ITPR1: variants seen among roughly 807,000 people sequenced by gnomAD.
ITPR1 encodes the protein inositol 1,4,5-trisphosphate-gated calcium channel ITPR1.
Under a neutral mutation model 318.4 loss-of-function variants are expected in ITPR1, and 96 were observed. The ratio of observed to expected loss-of-function variants is 0.30; its 90% CI spans 0.26 to 0.36. The LOEUF (loss-of-function observed/expected upper bound fraction) is 0.36, where lower values mean the gene tolerates loss of function less well. ITPR1 is among the 10% of genes least tolerant of loss of function. The probability of loss-of-function intolerance (pLI) is 1.00; values close to 1 mark genes in which losing one functional copy is unlikely to be tolerated. For synonymous variants in ITPR1, 1,312 were observed against 1,289.9 expected (o/e 1.02, Z -0.37); for missense variants, 2,440 against 3,460.2 (o/e 0.71, Z 7.40).
At chr3:4,755,557 A>C (rs367775399) in intron 44 of ITPR1, among the ~76,000 whole-genome samples, 30 of 152,312 alleles carry the variant, frequency 2.0e-4, no homozygotes, top group African/African-American at 6.7e-4. Context: ...TGTTTTTAAT[A>C]GAACAGGTTG....
At chr3:4,719,368 C>T (rs192097149) in intron 40 of ITPR1, among the ~76,000 whole-genome samples, 1 of 152,310 alleles carries the variant, frequency 6.6e-6, no homozygotes, top group East Asian at 1.9e-4. Context: ...GCCTCCTTGG[C>T]CTTTATAATT....
chr3:4,655,349 C>T (rs1212928285), intron 12 of ITPR1, among the ~76,000 whole-genome samples: 1 of 152,098 alleles, frequency 6.6e-6, no homozygotes, highest in African/African-American at 2.4e-5. Flanking sequence ...GGGTAGAGGG[C>T]TGCTCTCCTG....
intron 36 of ITPR1, among the ~76,000 whole-genome samples, chr3:4,703,428 C>A (rs1208919215): frequency 6.6e-6 from 1 of 152,102 alleles, no homozygotes; most frequent in Admixed American, 6.5e-5. Flanking sequence ...TCTGTGACTC[C>A]CCTCCTGTCC....
intron 4 of ITPR1, among the ~76,000 whole-genome samples, chr3:4,532,857 C>G (rs2124955194): frequency 6.6e-6 from 1 of 152,332 alleles, no homozygotes; most frequent in African/African-American, 2.4e-5. Flanking sequence ...GAACTTAATT[C>G]TGACTATTAG....
At chr3:4,628,028 C>T (rs182590802) in intron 5 of ITPR1, 150 bp downstream of exon 5, 144 of 527,204 alleles carry the variant, frequency 2.7e-4, no homozygotes, top group African/African-American at 2.5e-3. Flanking sequence ...AGAAGGGAAC[C>T]GACCGTAGAG....
In ITPR1 at chr3:4,706,048, G is replaced by A. The variant is rs1235422224; in HGVS notation, c.4658-119G>A. 7.3e-6 allele frequency: 7 copies of A among 963,484 alleles called. No homozygotes were observed. The Admixed American group carries it at 1.4e-4, about 19-fold the overall frequency. 59.7% of individuals were successfully genotyped at this position (963,484 alleles called of 1,614,324 possible). A position where few individuals can be genotyped will look rare whatever the true frequency, so the allele number is the denominator to read the frequency against. The stretch of plus-strand genomic sequence containing the variant: ...TCTCAGTCTTTAAGCTCAATACCAG[G>A]CAAGCTGGCCCATTCTGGGTGTGAA... On this transcript the variant is annotated intron_variant, in intron 36 of 61. Transcript: ENST00000649015.
intron 3 of ITPR1, among the ~76,000 whole-genome samples, chr3:4,519,609 T>C (rs2082411212): frequency 1.3e-5 from 2 of 152,196 alleles, no homozygotes; most frequent in African/African-American, 4.8e-5. Context: ...GGGGCATTAC[T>C]ATACTTACAG....
intron 4 of ITPR1, among the ~76,000 whole-genome samples, chr3:4,530,773 T>TCAACAACAA (rs113306224): frequency 6.6e-6 from 1 of 151,018 alleles, no homozygotes; most frequent in Non-Finnish European, 1.5e-5. Context: ...AGAGCAAGAC[T>TCAACAACAA]CAACAACAAC....
In ITPR1 at chr3:4,683,574, G is replaced by T. The variant is rs559844921; in HGVS notation, c.3327+23G>T. On this transcript the variant is annotated intron_variant, in intron 27 of 61. Transcript: ENST00000649015. ...CAGGTAGCTCAGGTCACCCACGTGT[G>T]TGTTGTCTGTCCAAGAAGCTGTTGT... 189 of 1,613,782 alleles carry T rather than the reference G, an allele frequency of 1.2e-4. 2 individuals carry two copies. The South Asian group carries it at 1.6e-3, about 14-fold the overall frequency.
intron 4 of ITPR1, among the ~76,000 whole-genome samples, chr3:4,521,504 T>A (rs2082563014): frequency 6.6e-6 from 1 of 152,226 alleles, no homozygotes; most frequent in Admixed American, 6.5e-5. Flanking sequence ...CCTCACTGAA[T>A]GTCTCACTGG....
At chr3:4,732,345 C>T (rs185174699) in intron 42 of ITPR1, among the ~76,000 whole-genome samples, 244 of 152,164 alleles carry the variant, frequency 1.6e-3, no homozygotes, top group African/African-American at 5.5e-3. Context: ...GGTTTTGAAA[C>T]CCCTCATTCA....
At chr3:4,680,342 G>T (rs560951170) in intron 24 of ITPR1, among the ~76,000 whole-genome samples, 1 of 152,112 alleles carries the variant, frequency 6.6e-6, no homozygotes, top group Non-Finnish European at 1.5e-5. Context: ...TACACTAGAG[G>T]CTAAGGTGCT....
Position 4,676,608 on chromosome 3 carries a change from T to C in ITPR1, c.2780-6T>C, listed in dbSNP as rs781057314. ...TGTGACCGTGGTCTCTCCTGGCCTT[T>C]CCTAGGCAGTAACGTGATGAGATCT... On this transcript the variant is annotated splice_region_variant and splice_polypyrimidine_tract_variant and intron_variant, in intron 23 of 61. Coordinates refer to ENST00000649015, the MANE Select transcript of ITPR1 (RefSeq NM_001378452.1). The C allele has an allele frequency of 1.9e-6, 3 of 1,613,012 alleles. No homozygotes were observed. The highest frequency in any genetic ancestry group is 1.7e-5 in the Admixed American group (1 of 59,968).
At chr3:4,692,154 T>A (rs11917905) in intron 32 of ITPR1, among the ~76,000 whole-genome samples, 73,988 of 147,320 alleles carry the variant, frequency 0.5, 19,349 homozygotes, top group Non-Finnish European at 0.56. Context: ...AGAAAAAAAA[T>A]AAAAAAAAGA....
At position 4,681,548 on chromosome 3, in the gene ITPR1, T is replaced by A. The variant is rs978010928; in HGVS notation, c.3161+130T>A. 20 of 682,720 alleles carry A rather than the reference T, an allele frequency of 2.9e-5. No individual in the cohort carries two copies. In the Admixed American group the frequency reaches 3.8e-4, roughly 13 times the overall value. The allele number at this position is 682,720 out of a possible 1,614,324, so 42.3% of individuals were successfully genotyped here. A position where few individuals can be genotyped will look rare whatever the true frequency, so the allele number is the denominator to read the frequency against. ...GTTGTTTTGGTGCTATCTTTGGAAC[T>A]GTTAGTACTCAAGTCAGAGTTAACT... On this transcript the variant is annotated intron_variant, in intron 26 of 61. Coordinates refer to ENST00000649015, the MANE Select transcript of ITPR1 (RefSeq NM_001378452.1).
intron 38 of ITPR1, among the ~76,000 whole-genome samples, chr3:4,711,075 G>A (rs761915614): frequency 6.6e-5 from 10 of 152,012 alleles, no homozygotes; most frequent in Non-Finnish European, 1.0e-4. Context: ...AGCTGGGCAT[G>A]GTGGCGGGCT....
intron 60 of ITPR1, among the ~76,000 whole-genome samples, chr3:4,818,780 G>A (rs2049477656): frequency 6.6e-6 from 1 of 152,130 alleles, no homozygotes; most frequent in Admixed American, 6.5e-5. Context: ...TTCGCTGATG[G>A]GAAGTGTGGA....
intron 4 of ITPR1, among the ~76,000 whole-genome samples, chr3:4,561,768 G>T (rs1485603029): frequency 6.6e-6 from 1 of 151,890 alleles, no homozygotes; most frequent in African/African-American, 2.4e-5. Flanking sequence ...TTTAACGTGG[G>T]TTAAAAGAAC....
At chr3:4,569,243 C>T (rs1287710234) in intron 4 of ITPR1, among the ~76,000 whole-genome samples, 2 of 152,128 alleles carry the variant, frequency 1.3e-5, no homozygotes, top group African/African-American at 4.8e-5. Flanking sequence ...TTAAATTTGC[C>T]TTATTTTTAT....
Sources: gnomAD v4.1 joint callset for allele counts (sites outside exome capture counted in the v4.1 genomes callset) on GRCh38, gnomAD v4.1.1 for gene constraint, MANE v1.5 for transcripts, NCBI Gene and HGNC (gene_info 2026-07-23, HGNC 2026-07-21) for gene names.